The following MYBPC1 variants were observed in gnomAD, a reference collection of about 807,000 sequenced individuals.
The protein encoded by MYBPC1 is myosin binding protein C1.
A neutral mutation model predicts 147.1 loss-of-function variants in MYBPC1; 52 were observed. The ratio of observed to expected loss-of-function variants is 0.35; its 90% CI spans 0.28 to 0.45. The LOEUF (loss-of-function observed/expected upper bound fraction) is 0.45. Ranked by LOEUF, MYBPC1 falls within the 20% of genes least tolerant of loss-of-function variation. The pLI is 1.00. For synonymous variants in MYBPC1, 477 were observed against 475.9 expected (o/e 1.00, Z -0.03); for missense variants, 1,228 against 1,440.3 (o/e 0.85, Z 2.39).
intron 11 of MYBPC1, among the ~76,000 whole-genome samples, chr12:101,643,440 G>A (rs1892467424): frequency 6.6e-6 from 1 of 152,074 alleles, no homozygotes; most frequent in Non-Finnish European, 1.5e-5. Flanking sequence ...TTTTCCCCAA[G>A]CTGAACTTTG....
chr12:101,666,480 T>C, intron 22 of MYBPC1: 1 of 424,800 alleles, frequency 2.4e-6, no homozygotes, highest in South Asian at 2.2e-5. Flanking sequence ...CCAGCCTCCT[T>C]TCTCCTCTTC....
intron 9 of MYBPC1, among the ~76,000 whole-genome samples, chr12:101,635,393 C>T (rs1438965992): frequency 6.6e-6 from 1 of 152,142 alleles, no homozygotes; most frequent in Admixed American, 6.5e-5. Context: ...TCACTCCAAA[C>T]TATTATAAAA....
intron 3 of MYBPC1, among the ~76,000 whole-genome samples, chr12:101,624,943 G>A (rs140133156): frequency 8.7e-4 from 133 of 152,062 alleles, no homozygotes; most frequent in African/African-American, 3.1e-3. Flanking sequence ...CAGAAGGGAT[G>A]GGTAGTGTTT....
chr12:101,653,262 T>C lies in MYBPC1; in HGVS notation c.1767+14T>C. ...CGGGGAGATAAGGTTTGTTTTATGCTTGCACACACTCACATGCACACACAC... is the reference window on the plus strand; with the variant it reads ...CGGGGAGATAAGGTTTGTTTTATGCCTGCACACACTCACATGCACACACAC... On this transcript the variant is annotated intron_variant, in intron 18 of 31. Coordinates refer to ENST00000361466, the MANE Select transcript of MYBPC1 (RefSeq NM_002465.4). 6.2e-7 allele frequency: 1 copy of C among 1,613,034 alleles called. No homozygotes were observed. The highest frequency in any genetic ancestry group is 2.2e-5 in the East Asian group (1 of 44,876).
Position 101,678,301 on chromosome 12 carries a change from A to G in MYBPC1, c.3246+63A>G, listed in dbSNP as rs1555255408. On this transcript the variant is annotated intron_variant, in intron 28 of 31. Transcript: ENST00000361466. ...TCTTGTATTTGTTGTGTTATAATGTAAGTAACAATGTAAACAAATCCAGCT... is the reference window on the plus strand; with the variant it reads ...TCTTGTATTTGTTGTGTTATAATGTGAGTAACAATGTAAACAAATCCAGCT... 7 of 1,595,476 alleles carry G rather than the reference A, an allele frequency of 4.4e-6. No individual in the cohort carries two copies. In the South Asian group the frequency reaches 7.7e-5, roughly 18 times the overall value.
chr12:101,605,874 A>G (rs746616498), intron 1 of MYBPC1, among the ~76,000 whole-genome samples: 45 of 151,926 alleles, frequency 3.0e-4, no homozygotes, highest in Non-Finnish European at 5.2e-4. Flanking sequence ...AAATAAATAA[A>G]TAAAAGTAAA....
At chr12:101,648,742 A>T (rs1893765928) in intron 14 of MYBPC1, among the ~76,000 whole-genome samples, 3 of 152,170 alleles carry the variant, frequency 2.0e-5, no homozygotes, top group Non-Finnish European at 2.9e-5. Flanking sequence ...TAGAAATAAG[A>T]GTTTATTTGT....
At chr12:101,636,953 A>G in intron 10 of MYBPC1, 1 of 380,896 alleles carries the variant, frequency 2.6e-6, no homozygotes, top group Non-Finnish European at 4.6e-6. Context: ...TAAATGTTTC[A>G]TGACTCTTCA....
intron 14 of MYBPC1, among the ~76,000 whole-genome samples, chr12:101,648,925 G>A (rs1893807258): frequency 6.6e-6 from 1 of 151,368 alleles, no homozygotes; most frequent in Non-Finnish European, 1.5e-5. Context: ...GAGAATCATA[G>A]TTATCTTTAA....
intron 9 of MYBPC1, among the ~76,000 whole-genome samples, chr12:101,635,676 CAG>C (rs1890844101): frequency 6.6e-6 from 1 of 152,030 alleles, no homozygotes; most frequent in Non-Finnish European, 1.5e-5. Flanking sequence ...TTTAAAAGAA[CAG>C]AAATGTATTT....
At position 101,675,209 on chromosome 12, in the gene MYBPC1, G is replaced by A. The variant is rs1899668609; in HGVS notation, c.2810-83G>A. The A allele has an allele frequency of 4.5e-6, 7 of 1,554,456 alleles. No homozygotes were observed. The East Asian group carries it at 1.6e-4, about 36-fold the overall frequency. On this transcript the variant is annotated intron_variant, in intron 25 of 31. Coordinates refer to ENST00000361466, the MANE Select transcript of MYBPC1 (RefSeq NM_002465.4). ...GATGCCTCCTGTAACAGAGGAAAGG[G>A]TCTTTTAAAATATCCTCATGAAACA...
At chr12:101,599,470 C>A (rs1878918803) in intron 1 of MYBPC1, among the ~76,000 whole-genome samples, 1 of 152,184 alleles carries the variant, frequency 6.6e-6, no homozygotes. Flanking sequence ...CTAAGCATTT[C>A]TCAGGGCTTA....
intron 18 of MYBPC1, among the ~76,000 whole-genome samples, chr12:101,656,505 G>A (rs939324822): frequency 6.6e-6 from 1 of 150,914 alleles, no homozygotes; most frequent in Non-Finnish European, 1.5e-5. Flanking sequence ...GAGAGAGAGA[G>A]ACATGCTGTG....
intron 1 of MYBPC1, among the ~76,000 whole-genome samples, chr12:101,603,399 T>C (rs1378074018): frequency 6.6e-6 from 1 of 151,720 alleles, no homozygotes; most frequent in African/African-American, 2.4e-5. Flanking sequence ...TTTTGGTGGA[T>C]AGGGTCTTCC....
chr12:101,651,463 T>C (rs937782854), intron 16 of MYBPC1, 70 bp downstream of exon 16: 7 of 1,582,158 alleles, frequency 4.4e-6, no homozygotes, highest in Non-Finnish European at 6.1e-6. Flanking sequence ...CTAAATTACA[T>C]ATTTGGTGAG....
At chr12:101,601,287 C>T (rs974589036) in intron 1 of MYBPC1, among the ~76,000 whole-genome samples, 1 of 152,202 alleles carries the variant, frequency 6.6e-6, no homozygotes, top group African/African-American at 2.4e-5. Flanking sequence ...ATCATACTGT[C>T]TTGTCGTAAT....
At position 101,682,708 on chromosome 12, in the gene MYBPC1, T is replaced by A. The variant is rs1369204747; in HGVS notation, c.3492+46T>A. 3 of 1,528,278 alleles carry A rather than the reference T, an allele frequency of 2.0e-6. No individual in the cohort carries two copies. The East Asian group carries it at 6.8e-5, about 35-fold the overall frequency. The allele number at this position is 1,528,278 out of a possible 1,614,324, so 94.7% of individuals were successfully genotyped here. On this transcript the variant is annotated intron_variant, in intron 30 of 31. Transcript: ENST00000361466. ...ACTGGATATTCTACTTTCCGTTCCA[T>A]TCCTCTTACATGAAAATGCACCTTG... is the stretch of plus-strand genomic sequence containing the variant.
Position 101,595,002 on chromosome 12 carries a change from C to T in MYBPC1, c.-69C>T. The T allele has an allele frequency of 6.6e-7, 1 of 1,504,356 alleles. No individual in the cohort carries two copies. The highest frequency in any genetic ancestry group is 9.2e-7 in the Non-Finnish European group (1 of 1,081,482). 93.2% of individuals were successfully genotyped at this position (1,504,356 alleles called of 1,614,324 possible). A position where few individuals can be genotyped will look rare whatever the true frequency, so the allele number is the denominator to read the frequency against. ...CCGACCTGCACCATCTCTCGCCTGC[C>T]TGTGGGGTTTCTGTCAACTAGTCGT... On this transcript the variant is annotated 5_prime_UTR_variant, in exon 1 of 32. Transcript: ENST00000361466.
chr12:101,649,028 G>A (rs978380630), intron 14 of MYBPC1, among the ~76,000 whole-genome samples: 2 of 152,188 alleles, frequency 1.3e-5, no homozygotes, highest in Admixed American at 1.3e-4. Flanking sequence ...CATCTTGAGT[G>A]CGAGCAGGTG....
Sources: allele counts gnomAD v4.1 joint callset (sites outside exome capture counted in the v4.1 genomes callset), GRCh38; gene constraint gnomAD v4.1.1; transcripts MANE v1.5; gene names NCBI Gene and HGNC (gene_info 2026-07-23, HGNC 2026-07-21).